The following MXD1 variants were observed in gnomAD, a reference collection of about 807,000 sequenced individuals.
MXD1 encodes MAX-binding protein.
In MXD1, 9 loss-of-function variants were observed where a neutral mutation model predicts 25.7. That is an observed-to-expected ratio of 0.35 (90% CI 0.21 to 0.61). The LOEUF is 0.61. MXD1 is among the 20% of genes least tolerant of loss of function. MXD1 has a pLI of 0.75. For synonymous variants in MXD1, 99 were observed against 113.9 expected (o/e 0.87, Z 0.83); for missense variants, 227 against 292.4 (o/e 0.78, Z 1.63).
At chr2:69,931,862 C>T (rs1271136036) in intron 3 of MXD1, among the ~76,000 whole-genome samples, 1 of 152,108 alleles carries the variant, frequency 6.6e-6, no homozygotes, top group African/African-American at 2.4e-5. Context: ...TAGTCCATGG[C>T]CTAGGTACAA....
chr2:69,923,031 A>G (rs1433665796), intron 3 of MXD1, among the ~76,000 whole-genome samples: 1 of 129,770 alleles, frequency 7.7e-6, no homozygotes, highest in Non-Finnish European at 1.6e-5. Flanking sequence ...TTGTATCTCT[A>G]GTAAACACCA....
intron 2 of MXD1, among the ~76,000 whole-genome samples, chr2:69,917,513 A>G (rs1029835229): frequency 6.6e-6 from 1 of 152,196 alleles, no homozygotes; most frequent in Non-Finnish European, 1.5e-5. Context: ...AATTTTGTTT[A>G]GAAGAATTTT....
intron 3 of MXD1, 104 bp downstream of exon 3, chr2:69,921,869 C>A: frequency 9.0e-7 from 1 of 1,105,576 alleles, no homozygotes; most frequent in Non-Finnish European, 1.3e-6. Context: ...ACTAGTAGCA[C>A]CTGATTTCAG....
At chr2:69,922,292 C>T (rs1446475208) in intron 3 of MXD1, among the ~76,000 whole-genome samples, 3 of 152,174 alleles carry the variant, frequency 2.0e-5, no homozygotes, top group African/African-American at 7.2e-5. Flanking sequence ...GACTGCCACC[C>T]TCACTGGGCT....
intron 2 of MXD1, among the ~76,000 whole-genome samples, chr2:69,918,389 T>C (rs151299384): frequency 2.0e-5 from 3 of 152,348 alleles, no homozygotes; most frequent in African/African-American, 7.2e-5. Flanking sequence ...TAGTTGCTTA[T>C]TAAAACAACA....
At chr2:69,929,249 A>AAC (rs1558570576) in intron 3 of MXD1, among the ~76,000 whole-genome samples, 4 of 152,130 alleles carry the variant, frequency 2.6e-5, no homozygotes, top group Admixed American at 6.5e-5. Flanking sequence ...GCTTCCTTCA[A>AAC]ACACACACAC....
Position 69,938,406 on chromosome 2 carries a change from C to T in MXD1, c.*122C>T, listed in dbSNP as rs1157837485. ...TTCAGTGTCCCACCTTGACCAAAAT[C>T]AGCTTTGTAACTGTTTTCAAGGAGG... On this transcript the variant is annotated 3_prime_UTR_variant, in exon 6 of 6. Coordinates refer to ENST00000264444, the MANE Select transcript of MXD1 (RefSeq NM_002357.4). 4.0e-6 allele frequency: 4 copies of T among 1,001,252 alleles called. No individual in the cohort carries two copies. Among genetic ancestry groups the T allele is most frequent in the Non-Finnish European group, 5.9e-6 (4 of 675,292 alleles). The allele number at this position is 1,001,252 out of a possible 1,614,324, so 62.0% of individuals were successfully genotyped here.
intron 2 of MXD1, among the ~76,000 whole-genome samples, chr2:69,918,517 T>C (rs967715506): frequency 2.0e-5 from 3 of 152,236 alleles, no homozygotes; most frequent in Admixed American, 6.5e-5. Flanking sequence ...ACTAATTATT[T>C]AGAATTGAAA....
intron 4 of MXD1, chr2:69,936,938 C>T: frequency 1.9e-6 from 1 of 532,734 alleles, no homozygotes; most frequent in Non-Finnish European, 3.7e-6. Flanking sequence ...GGGACTGCTG[C>T]CTGCAGTCTT....
rs1017078977 is a variant in MXD1 at position 69,941,369 on chromosome 2, T to C, written c.*3085T>C. The C allele has an allele frequency of 6.6e-6, 1 of 152,216 alleles. No homozygotes were observed. Among genetic ancestry groups the C allele is most frequent in the Non-Finnish European group, 1.5e-5 (1 of 68,044 alleles). 9.4% of individuals were successfully genotyped at this position (152,216 alleles called of 1,614,324 possible). A position where few individuals can be genotyped will look rare whatever the true frequency, so the allele number is the denominator to read the frequency against. The stretch of plus-strand genomic sequence containing the variant: ...GTTTTCTTTTGCTAAGCAGAGATCT[T>C]GAATTCTTCAAGGTGCTGATAGCAA... On this transcript the variant is annotated 3_prime_UTR_variant, in exon 6 of 6. Transcript: ENST00000264444.
rs1676932829 is a variant in MXD1 at position 69,915,121 on chromosome 2, G to A, written c.-210G>A. The A allele has an allele frequency of 2.4e-6, 1 of 410,306 alleles. No homozygotes were observed. The highest frequency in any genetic ancestry group is 4.4e-5 in the Admixed American group (1 of 22,738). The allele number at this position is 410,306 out of a possible 1,614,324, so 25.4% of individuals were successfully genotyped here. On this transcript the variant is annotated 5_prime_UTR_variant, in exon 1 of 6. Transcript: ENST00000264444. The surrounding 1 kb of genome is among the most constrained non-coding windows in gnomAD (Gnocchi z 5.8). ...GGTGGCGGCTGCTGCTCTGCTCCGG[G>A]TTCTGTCACTGTGTCGGCGGTGCCC...
chr2:69,933,215 A>AAC (rs1677339904), intron 3 of MXD1, among the ~76,000 whole-genome samples: 1 of 149,752 alleles, frequency 6.7e-6, no homozygotes, highest in Non-Finnish European at 1.5e-5. Flanking sequence ...AAAAAAAAAA[A>AAC]AAAAAAAAAC....
Position 69,941,197 on chromosome 2 carries a change from G to A in MXD1, c.*2913G>A, listed in dbSNP as rs1677592362. ...TCTTATTGATACCATCATAACGCAA[G>A]TGGGAAAAATAAGAGTACGCAGTCT... On this transcript the variant is annotated 3_prime_UTR_variant, in exon 6 of 6. Transcript: ENST00000264444. 1 of 152,192 alleles carries A rather than the reference G, an allele frequency of 6.6e-6. No homozygotes were observed. The highest frequency in any genetic ancestry group is 1.5e-5 in the Non-Finnish European group (1 of 68,030). 9.4% of individuals were successfully genotyped at this position (152,192 alleles called of 1,614,324 possible). A position where few individuals can be genotyped will look rare whatever the true frequency, so the allele number is the denominator to read the frequency against.
intron 2 of MXD1, among the ~76,000 whole-genome samples, chr2:69,919,454 C>T (rs1385530934): frequency 6.6e-6 from 1 of 152,186 alleles, no homozygotes; most frequent in African/African-American, 2.4e-5. Context: ...AAGTGATTCT[C>T]CTGCCTCAGC....
chr2:69,925,632 A>G (rs1677155091), intron 3 of MXD1, among the ~76,000 whole-genome samples: 1 of 152,182 alleles, frequency 6.6e-6, no homozygotes, highest in Non-Finnish European at 1.5e-5. Context: ...CAATGTCATT[A>G]AATCTCCTTT....
chr2:69,921,800 G>A (rs1320364587), intron 3 of MXD1, 35 bp downstream of exon 3: 2 of 1,606,810 alleles, frequency 1.2e-6, no homozygotes, highest in Admixed American at 3.4e-5. Context: ...AATGCGGGGA[G>A]CTTTGTTGCA....
At chr2:69,921,305 T>C (rs988751918) in intron 2 of MXD1, among the ~76,000 whole-genome samples, 2 of 152,310 alleles carry the variant, frequency 1.3e-5, no homozygotes, top group East Asian at 3.9e-4. Context: ...CAAGCAACTT[T>C]ACACAAAATT....
chr2:69,932,316 T>G (rs1677307191), intron 3 of MXD1, among the ~76,000 whole-genome samples: 1 of 152,104 alleles, frequency 6.6e-6, no homozygotes, highest in African/African-American at 2.4e-5. Flanking sequence ...TTTTATCTGG[T>G]TCAGGGATTG....
At position 69,942,239 on chromosome 2, in the gene MXD1, A is replaced by C. The variant is rs1254735284; in HGVS notation, c.*3955A>C. On this transcript the variant is annotated 3_prime_UTR_variant, in exon 6 of 6. Coordinates refer to ENST00000264444, the MANE Select transcript of MXD1 (RefSeq NM_002357.4). Reference sequence around the variant, plus strand: ...ACTCTTCCTGGTAGAAGACAACCCAAAGACCCTTTTCGATGAGGTGGTTTC... The same window carrying C: ...ACTCTTCCTGGTAGAAGACAACCCACAGACCCTTTTCGATGAGGTGGTTTC... 6.6e-6 allele frequency: 1 copy of C among 152,190 alleles called. No homozygotes were observed. The highest frequency in any genetic ancestry group is 2.4e-5 in the African/African-American group (1 of 41,426). 9.4% of individuals were successfully genotyped at this position (152,190 alleles called of 1,614,324 possible).
Sources: allele counts gnomAD v4.1 joint callset (sites outside exome capture counted in the v4.1 genomes callset), GRCh38; gene constraint gnomAD v4.1.1; non-coding constraint Gnocchi (gnomAD v3.1); transcripts MANE v1.5; gene names NCBI Gene and HGNC (gene_info 2026-07-23, HGNC 2026-07-21).